MYO3A: variants seen among roughly 807,000 people sequenced by gnomAD.
MYO3A encodes the protein myosin-IIIa.
In MYO3A, 180 loss-of-function variants were observed where a neutral mutation model predicts 192.7. The ratio of observed to expected loss-of-function variants is 0.93; its 90% CI spans 0.83 to 1.06. MYO3A has a LOEUF of 1.06. Among genes scored for constraint, MYO3A ranks in the 50% least tolerant of loss-of-function variants. The probability of loss-of-function intolerance (pLI) is 0.00; values close to 1 mark genes in which losing one functional copy is unlikely to be tolerated. For synonymous variants in MYO3A, 628 were observed against 645.3 expected (o/e 0.97, Z 0.41); for missense variants, 1,896 against 1,905.0 (o/e 1.00, Z 0.09).
chr10:25,947,227 T>A (rs1454422050), intron 2 of MYO3A, among the ~76,000 whole-genome samples: 1 of 152,098 alleles, frequency 6.6e-6, no homozygotes, highest in African/African-American at 2.4e-5. Context: ...AGATTTTCAA[T>A]TCAGTTATTT....
chr10:26,090,236 A>G (rs906193509), intron 15 of MYO3A, among the ~76,000 whole-genome samples: 1 of 152,218 alleles, frequency 6.6e-6, no homozygotes, highest in Admixed American at 6.5e-5. Flanking sequence ...TTCACGGTGT[A>G]TTCTATGGAG....
At chr10:26,069,658 A>G (rs1300106673) in intron 12 of MYO3A, among the ~76,000 whole-genome samples, 1 of 152,016 alleles carries the variant, frequency 6.6e-6, no homozygotes, top group Non-Finnish European at 1.5e-5. Flanking sequence ...CTATCAATTC[A>G]CTGTGTGATC....
intron 10 of MYO3A, among the ~76,000 whole-genome samples, chr10:26,064,296 A>G (rs1306707445): frequency 6.6e-6 from 1 of 152,218 alleles, no homozygotes. Context: ...CTCAGAGGGA[A>G]CAGCAAATAC....
chr10:26,170,568 G>A, intron 29 of MYO3A, 29 bp downstream of exon 29: 2 of 1,591,892 alleles, frequency 1.3e-6, no homozygotes, highest in Non-Finnish European at 1.7e-6. Context: ...TTATACCGTT[G>A]TAACATATAG....
chr10:25,978,962 A>C (rs1026482472), intron 4 of MYO3A, among the ~76,000 whole-genome samples: 3 of 152,048 alleles, frequency 2.0e-5, no homozygotes, highest in Non-Finnish European at 4.4e-5. Context: ...CTGCTACTTC[A>C]TTGTCTGGAA....
chr10:25,957,381 A>T (rs191391883), intron 4 of MYO3A, among the ~76,000 whole-genome samples: 12 of 152,308 alleles, frequency 7.9e-5, no homozygotes, highest in Admixed American at 2.0e-4. Context: ...GCCTTCCACC[A>T]TGATTGTGAG....
intron 34 of MYO3A, among the ~76,000 whole-genome samples, chr10:26,210,278 C>T (rs1844165692): frequency 6.6e-6 from 1 of 152,218 alleles, no homozygotes; most frequent in Non-Finnish European, 1.5e-5. Flanking sequence ...ATATCTCAAA[C>T]TTAGCATAAC....
chr10:25,940,263 T>C (rs965583756), intron 2 of MYO3A, among the ~76,000 whole-genome samples: 3 of 152,114 alleles, frequency 2.0e-5, no homozygotes, highest in African/African-American at 7.2e-5. Flanking sequence ...TTCTCCTTTC[T>C]TGAATTTTTT....
intron 10 of MYO3A, among the ~76,000 whole-genome samples, chr10:26,049,544 T>A (rs944797922): frequency 1.3e-5 from 2 of 152,080 alleles, no homozygotes; most frequent in African/African-American, 4.8e-5. Flanking sequence ...TAGCAGTGGA[T>A]CCTGGAAACA....
chr10:26,125,621 A>G lies in MYO3A; in HGVS notation c.2114+13A>G. 3.1e-6 allele frequency: 5 copies of G among 1,609,556 alleles called. No homozygotes were observed. Among genetic ancestry groups the G allele is most frequent in the Non-Finnish European group, 4.3e-6 (5 of 1,176,078 alleles). The stretch of plus-strand genomic sequence containing the variant: ...ACTCATCACCAAGGTAAAAATTTTT[A>G]CAGAAACATTTTTTTCCCAAATGTC... On this transcript the variant is annotated intron_variant, in intron 19 of 34. Coordinates refer to ENST00000642920, the MANE Select transcript of MYO3A (RefSeq NM_017433.5).
chr10:25,971,267 T>C (rs979755695), intron 4 of MYO3A, among the ~76,000 whole-genome samples: 1 of 152,198 alleles, frequency 6.6e-6, no homozygotes, highest in South Asian at 2.1e-4. Context: ...AACCCACCTC[T>C]CTTATGCAAT....
intron 31 of MYO3A, among the ~76,000 whole-genome samples, chr10:26,178,102 A>G (rs1433348785): frequency 1.3e-5 from 2 of 152,232 alleles, no homozygotes; most frequent in African/African-American, 4.8e-5. Flanking sequence ...GCCTGTGCCC[A>G]GGAGGCATGC....
intron 23 of MYO3A, among the ~76,000 whole-genome samples, chr10:26,152,310 A>G (rs1237591413): frequency 2.0e-5 from 3 of 152,256 alleles, no homozygotes; most frequent in African/African-American, 4.8e-5. Context: ...AGCACCTTCA[A>G]TTACTCCTAA....
At chr10:26,122,665 G>T (rs1267443110) in intron 18 of MYO3A, among the ~76,000 whole-genome samples, 1 of 151,946 alleles carries the variant, frequency 6.6e-6, no homozygotes. Flanking sequence ...ATCTATCAGT[G>T]GGCTCTCTCA....
rs1250810339 is a variant in MYO3A, at chr10:26,145,506, G to C, written c.2477G>C (p.Ser826Thr). ...TGGAGACCCAAAAGAATGGAACTTA[G>C]TTTTGGAATTCACCATTATGCAGGA... ...YFWRPKRMELSFGIHHYAGKV... is the reference protein window; with the variant it reads ...YFWRPKRMELTFGIHHYAGKV... Residue 826 changes from serine to threonine, a missense_variant, in exon 22 of 35, where the codon AGT becomes ACT. Ser to Thr is a moderately conservative substitution (Grantham distance 58). Coordinates refer to ENST00000642920, the MANE Select transcript of MYO3A (RefSeq NM_017433.5). 5.0e-6 allele frequency: 8 copies of C among 1,609,128 alleles called. No homozygotes were observed. In the Admixed American group the frequency reaches 1.2e-4, roughly 23 times the overall value.
chr10:25,965,949 GT>G (rs925416760), intron 4 of MYO3A, among the ~76,000 whole-genome samples: 27 of 145,446 alleles, frequency 1.9e-4, no homozygotes, highest in East Asian at 6.0e-4. Context: ...ATTCAGAACT[GT>G]TTTTTTTTTT....
chr10:26,103,346 G>A (rs1296743004), intron 17 of MYO3A, among the ~76,000 whole-genome samples: 8 of 152,278 alleles, frequency 5.3e-5, no homozygotes, highest in South Asian at 2.1e-4. Flanking sequence ...CAGGTGAGGC[G>A]ATGCCCTGCT....
At chr10:26,193,402 G>C (rs1843250057) in intron 32 of MYO3A, 91 bp downstream of exon 32, 9 of 1,053,102 alleles carry the variant, frequency 8.5e-6, no homozygotes, top group South Asian at 6.6e-5. Context: ...CAGGCACAAA[G>C]GAAGGCCTGG....
At chr10:26,032,169 G>A (rs867162546) in intron 10 of MYO3A, among the ~76,000 whole-genome samples, 5 of 152,058 alleles carry the variant, frequency 3.3e-5, no homozygotes, top group South Asian at 4.1e-4. Flanking sequence ...TGGTTTCTTA[G>A]ACCAAACATA....
Sources: gnomAD v4.1 joint callset for allele counts (sites outside exome capture counted in the v4.1 genomes callset) on GRCh38, gnomAD v4.1.1 for gene constraint, MANE v1.5 for transcripts, NCBI Gene and HGNC (gene_info 2026-07-23, HGNC 2026-07-21) for gene names.